PRH1: variants seen among roughly 807,000 people sequenced by gnomAD.
The protein encoded by PRH1 is salivary acidic proline-rich phosphoprotein 1/2.
A neutral mutation model predicts 7.9 loss-of-function variants in PRH1; 7 were observed. The observed-to-expected ratio is 0.89, with a 90% CI of 0.50 to 1.67. PRH1 has a LOEUF of 1.67. PRH1 is among the 40% of genes most tolerant of loss of function. The probability of loss-of-function intolerance (pLI) is 0.00; values close to 1 mark genes in which losing one functional copy is unlikely to be tolerated. For synonymous variants in PRH1, 45 were observed against 80.8 expected (o/e 0.56, Z 2.38); for missense variants, 109 against 223.6 (o/e 0.49, Z 3.27).
chr12:10,883,278 C>T (rs1949437573), intron 1 of PRH1, among the ~76,000 whole-genome samples, 182 bp from the exon 2 acceptor site: 1 of 152,200 alleles, frequency 6.6e-6, no homozygotes, highest in Non-Finnish European at 1.5e-5. Context: ...ATTGTTACTA[C>T]ACTGAGCGTC....
chr12:11,147,033 T>C (rs1946882495), intron 1 of PRH1, among the ~76,000 whole-genome samples: 1 of 152,230 alleles, frequency 6.6e-6, no homozygotes, highest in Non-Finnish European at 1.5e-5. Flanking sequence ...TTCTTGCCTA[T>C]CTCCGAACTG....
chr12:10,914,564 T>C (rs1949947282), intron 2 of PRH1, among the ~76,000 whole-genome samples: 1 of 152,200 alleles, frequency 6.6e-6, no homozygotes, highest in Non-Finnish European at 1.5e-5. Context: ...GTGGCCTTTG[T>C]GCAATGTTGT....
In PRH1 at chr12:11,092,577, C is replaced by T. The variant is rs945057958; in HGVS notation, n.124-45389G>A. On this transcript the variant is annotated intron_variant and non_coding_transcript_variant, in intron 1 of 4. Coordinates refer to the PRH1 transcript ENST00000541977. ...CCCTCCGACTGGCTACTTTTAGGAT[C>T]CTGTTGATTGGTGCATTTTAGAGCG... is the stretch of plus-strand genomic sequence containing the variant. Among the ~76,000 whole-genome samples the T allele has an allele frequency of 3.6e-5, 4 of 110,586 alleles. 1 individual carries two copies. Among genetic ancestry groups the T allele is most frequent in the African/African-American group, 1.2e-4 (4 of 33,522 alleles). 72.5% of individuals were successfully genotyped at this position (110,586 alleles called of 152,430 possible). A position where few individuals can be genotyped will look rare whatever the true frequency, so the allele number is the denominator to read the frequency against.
At chr12:11,146,264 T>C (rs1439795372) in intron 1 of PRH1, among the ~76,000 whole-genome samples, 1 of 118,732 alleles carries the variant, frequency 8.4e-6, no homozygotes, top group Non-Finnish European at 2.0e-5. Context: ...TTTATTCTTC[T>C]AGGTAGTTTT....
At chr12:10,899,035 G>C (rs569167090) in intron 2 of PRH1, among the ~76,000 whole-genome samples, 1 of 152,326 alleles carries the variant, frequency 6.6e-6, no homozygotes, top group East Asian at 1.9e-4. Context: ...GCTGTGTTTT[G>C]TACTTGCGTG....
intron 1 of PRH1, among the ~76,000 whole-genome samples, chr12:11,080,409 G>C (rs80283676): frequency 1.2e-5 from 1 of 83,024 alleles, no homozygotes; most frequent in Non-Finnish European, 3.0e-5. Flanking sequence ...GCTTGTTTTT[G>C]AGCTATTATG....
intron 1 of PRH1, among the ~76,000 whole-genome samples, chr12:11,033,867 A>C (rs920806323): frequency 1.3e-5 from 2 of 152,228 alleles, no homozygotes; most frequent in African/African-American, 2.4e-5. Flanking sequence ...CAAAAATGGG[A>C]AATACCACAG....
chr12:11,152,222 T>TACCTTCC (rs1565708766), intron 1 of PRH1, among the ~76,000 whole-genome samples: 1 of 122,544 alleles, frequency 8.2e-6, no homozygotes. Context: ...CCTAATGCTA[T>TACCTTCC]CCCTCCCCCC....
At chr12:10,920,623 A>C (rs919509634) in intron 2 of PRH1, among the ~76,000 whole-genome samples, 8 of 152,140 alleles carry the variant, frequency 5.3e-5, no homozygotes, top group Non-Finnish European at 8.8e-5. Context: ...CAGCAAGCTT[A>C]TCAAATTTGT....
intron 1 of PRH1, chr12:11,134,326 T>A (rs1946484852): frequency 1.5e-6 from 2 of 1,309,308 alleles, no homozygotes; most frequent in African/African-American, 2.9e-5. Flanking sequence ...GACCTTAAAT[T>A]CTATATGCAC....
intron 1 of PRH1, among the ~76,000 whole-genome samples, chr12:11,124,258 T>A (rs1312702534): frequency 1.3e-5 from 2 of 152,284 alleles, no homozygotes; most frequent in Non-Finnish European, 2.9e-5. Flanking sequence ...TTGTATTCCA[T>A]GAATTAATTT....
chr12:10,973,582 G>T, intron 2 of PRH1: 1 of 732,014 alleles, frequency 1.4e-6, no homozygotes, highest in Non-Finnish European at 2.5e-6. Context: ...AATTTCACCT[G>T]TCTGATACAG....
chr12:11,123,439 T>C (rs2136330642), intron 1 of PRH1, among the ~76,000 whole-genome samples: 1 of 152,286 alleles, frequency 6.6e-6, no homozygotes, highest in South Asian at 2.1e-4. Context: ...TGTCACTTTA[T>C]CTCCAGTCTC....
intron 1 of PRH1, chr12:11,030,923 A>T (rs370022873): frequency 8.1e-6 from 13 of 1,614,154 alleles, no homozygotes; most frequent in Non-Finnish European, 1.1e-5. Flanking sequence ...AGCCAAAAAT[A>T]GTAAAGGCCC....
At chr12:10,908,585 A>G in intron 2 of PRH1, 1 of 1,614,038 alleles carries the variant, frequency 6.2e-7, no homozygotes, top group Non-Finnish European at 8.5e-7. Context: ...CATAGAATAA[A>G]AGGAATGAGA....
At chr12:11,071,424 C>T (rs1301665830) in intron 1 of PRH1, among the ~76,000 whole-genome samples, 1 of 152,202 alleles carries the variant, frequency 6.6e-6, no homozygotes, top group African/African-American at 2.4e-5. Context: ...AAAGTTTTTG[C>T]ATAACTTCAG....
chr12:11,058,141 A>G (rs796166764), intron 1 of PRH1, among the ~76,000 whole-genome samples: 1 of 134,686 alleles, frequency 7.4e-6, no homozygotes, highest in African/African-American at 2.7e-5. Flanking sequence ...AATGCTGAGG[A>G]GGGAGAATCA....
intron 1 of PRH1, chr12:11,022,146 A>G (rs1385816118): frequency 6.2e-7 from 1 of 1,613,946 alleles, no homozygotes; most frequent in South Asian, 1.1e-5. Flanking sequence ...CAGCAAGATT[A>G]CAAATCAGAA....
In PRH1 at chr12:10,929,002, T is replaced by C. The variant is rs144694427; in HGVS notation, c.-59+44653A>G. ...CACTGTGCTGATTGCTTGGACACAG[T>C]TCCGTCAAAACATTTGTCCAAGTCA... On this transcript the variant is annotated intron_variant, in intron 2 of 3. Transcript: ENST00000539853. Among the ~76,000 whole-genome samples the C allele has an allele frequency of 4.2e-3, 637 of 152,332 alleles. 6 individuals carry two copies. The highest frequency in any genetic ancestry group is 0.015 in the African/African-American group (612 of 41,572).
Sources: allele counts gnomAD v4.1 joint callset (sites outside exome capture counted in the v4.1 genomes callset), GRCh38; gene constraint gnomAD v4.1.1; transcripts MANE v1.5; gene names NCBI Gene and HGNC (gene_info 2026-07-23, HGNC 2026-07-21).